Variants in OR1L8 observed in about 807,000 individuals in gnomAD.
OR1L8 encodes olfactory receptor 1L8.
For synonymous variants in OR1L8, 148 were observed against 147.0 expected (o/e 1.01, Z -0.05); for missense variants, 330 against 377.4 (o/e 0.87, Z 1.04).
intron 4 of OR1L8, among the ~76,000 whole-genome samples, chr9:122,571,118 A>G (rs981627747): frequency 2.0e-5 from 3 of 152,208 alleles, no homozygotes; most frequent in African/African-American, 7.2e-5. Context: ...CAAATACACA[A>G]CTGACAAACT....
chr9:122,548,316 T>A, the OR1L8 span, among the ~76,000 whole-genome samples: 1 of 152,142 alleles, frequency 6.6e-6, no homozygotes, highest in African/African-American at 2.4e-5. Flanking sequence ...TAACAAGGTT[T>A]CTTTATATAC....
chr9:122,578,771 A>G (rs1829699243), intron 1 of OR1L8, among the ~76,000 whole-genome samples: 1 of 152,158 alleles, frequency 6.6e-6, no homozygotes, highest in Admixed American at 6.5e-5. Context: ...AACAAAAGGC[A>G]TAAGAATGAT....
intron 3 of OR1L8, among the ~76,000 whole-genome samples, chr9:122,573,644 T>A (rs891928324): frequency 6.6e-6 from 1 of 152,230 alleles, no homozygotes; most frequent in African/African-American, 2.4e-5. Context: ...TGAATTACAG[T>A]CCTTTATCAG....
At chr9:122,548,413 C>G in the OR1L8 span, among the ~76,000 whole-genome samples, 4 of 152,108 alleles carry the variant, frequency 2.6e-5, no homozygotes, top group South Asian at 2.1e-4. Flanking sequence ...AAGGAAATGT[C>G]ATCTCTTGTT....
chr9:122,546,834 AAAT>A, the OR1L8 span, among the ~76,000 whole-genome samples: 2 of 152,242 alleles, frequency 1.3e-5, no homozygotes, highest in Non-Finnish European at 2.9e-5. Flanking sequence ...TTTAATGGAC[AAAT>A]AATAATTGTA....
At chr9:122,561,114 G>A in the OR1L8 span, among the ~76,000 whole-genome samples, 1 of 152,024 alleles carries the variant, frequency 6.6e-6, no homozygotes, top group South Asian at 2.1e-4. Context: ...CTGTTTGATC[G>A]ATTTAGCTAT....
At chr9:122,546,951 G>A in the OR1L8 span, among the ~76,000 whole-genome samples, 1 of 151,852 alleles carries the variant, frequency 6.6e-6, no homozygotes, top group Admixed American at 6.6e-5. Context: ...CTTTCTGTTG[G>A]GAATGCTCAG....
At chr9:122,550,678 A>T in the OR1L8 span, among the ~76,000 whole-genome samples, 1 of 152,130 alleles carries the variant, frequency 6.6e-6, no homozygotes, top group Non-Finnish European at 1.5e-5. Context: ...ATATAGAAAA[A>T]GCAACTGATA....
chr9:122,552,136 A>G, the OR1L8 span, among the ~76,000 whole-genome samples: 1 of 139,834 alleles, frequency 7.2e-6, no homozygotes, highest in African/African-American at 2.6e-5. Flanking sequence ...TGACCAGGCA[A>G]AAGTTTCCTG....
In OR1L8 at chr9:122,583,372, C is replaced by A. The variant is rs969830043; in HGVS notation, c.-651G>T. 6 of 151,616 alleles carry A rather than the reference C, an allele frequency of 4.0e-5. No individual in the cohort carries two copies. The highest frequency in any genetic ancestry group is 1.5e-4 in the African/African-American group (6 of 41,298). The allele number at this position is 151,616 out of a possible 1,614,324, so 9.4% of individuals were successfully genotyped here. A position where few individuals can be genotyped will look rare whatever the true frequency, so the allele number is the denominator to read the frequency against. On this transcript the variant is annotated 5_prime_UTR_variant, in exon 1 of 5. Coordinates refer to ENST00000641027, the MANE Select transcript of OR1L8 (RefSeq NM_001004454.2). ...ATGACTGAATATAATATAATATCCTCGATGGGATCCTGGAACACAAAAAAA... is the reference window on the plus strand; with the variant it reads ...ATGACTGAATATAATATAATATCCTAGATGGGATCCTGGAACACAAAAAAA...
chr9:122,560,969 A>G, the OR1L8 span, among the ~76,000 whole-genome samples: 31 of 152,278 alleles, frequency 2.0e-4, no homozygotes, highest in African/African-American at 7.5e-4. Flanking sequence ...ACTCCAATCA[A>G]TCATAGGTTC....
intron 1 of OR1L8, among the ~76,000 whole-genome samples, chr9:122,579,710 AG>A (rs1712408657): frequency 6.6e-6 from 1 of 152,226 alleles, no homozygotes; most frequent in African/African-American, 2.4e-5. Context: ...TTCAGGATTA[AG>A]TCTACATTTT....
the OR1L8 span, among the ~76,000 whole-genome samples, chr9:122,549,838 A>G: frequency 6.6e-6 from 1 of 151,966 alleles, no homozygotes; most frequent in African/African-American, 2.4e-5. Context: ...TTCTTTGGCT[A>G]TTTGTGATCT....
intron 2 of OR1L8, among the ~76,000 whole-genome samples, chr9:122,577,615 A>G (rs2118744782): frequency 6.6e-6 from 1 of 152,280 alleles, no homozygotes; most frequent in Middle Eastern, 3.4e-3. Flanking sequence ...TTTTTTCACC[A>G]ATCATATTAT....
intron 4 of OR1L8, among the ~76,000 whole-genome samples, chr9:122,570,566 T>TA (rs377574562): frequency 1.1e-4 from 17 of 152,338 alleles, no homozygotes; most frequent in African/African-American, 3.8e-4. Context: ...TTTAATGAGA[T>TA]AAAGCATTTG....
In OR1L8 at chr9:122,568,693, GA is replaced by G; in HGVS notation, c.-212-5del. ...CATAAGGGCATTATATTGAAATCTG[GA>G]GGGACAGAGGGAGAGTTTTCCTTTA... On this transcript the variant is annotated splice_region_variant and splice_polypyrimidine_tract_variant and intron_variant, in intron 4 of 4. Transcript: ENST00000641027. 2.2e-6 allele frequency: 1 copy of G among 452,558 alleles called. No individual in the cohort carries two copies. The highest frequency in any genetic ancestry group is 3.9e-6 in the Non-Finnish European group (1 of 259,046). 28.0% of individuals were successfully genotyped at this position (452,558 alleles called of 1,614,324 possible).
At chr9:122,564,407 G>T (rs1000033923), downstream of OR1L8, among the ~76,000 whole-genome samples, 1 of 152,144 alleles carries the variant, frequency 6.6e-6, no homozygotes, top group Non-Finnish European at 1.5e-5. Flanking sequence ...GTGGAGTGGG[G>T]GGGTATTATG....
chr9:122,548,631 G>A, the OR1L8 span, among the ~76,000 whole-genome samples: 2 of 150,818 alleles, frequency 1.3e-5, no homozygotes, highest in Admixed American at 1.3e-4. Flanking sequence ...TCTAGGGTAT[G>A]TGTGCACAAC....
At chr9:122,553,115 T>G in the OR1L8 span, 1 of 1,293,966 alleles carries the variant, frequency 7.7e-7, no homozygotes, top group Non-Finnish European at 1.1e-6. Flanking sequence ...CCCAGCACAG[T>G]TCTGGCCACA....
Sources: allele counts gnomAD v4.1 joint callset (sites outside exome capture counted in the v4.1 genomes callset), GRCh38; gene constraint gnomAD v4.1.1; transcripts MANE v1.5; gene names NCBI Gene and HGNC (gene_info 2026-07-23, HGNC 2026-07-21).